The following DLC1 variants were observed in gnomAD, a reference collection of about 807,000 sequenced individuals.
DLC1 encodes DLC1 Rho GTPase activating protein, also known as rho GTPase-activating protein 7.
A neutral mutation model predicts 140.3 loss-of-function variants in DLC1; 54 were observed. The observed-to-expected ratio is 0.38, with a 90% confidence interval of 0.31 to 0.48. The LOEUF is 0.48. Ranked by LOEUF, DLC1 falls within the 20% of genes least tolerant of loss-of-function variation. The probability of loss-of-function intolerance (pLI) is 0.96; values close to 1 mark genes in which losing one functional copy is unlikely to be tolerated. For missense variants in DLC1, 2,536 were observed against 1,907.0 expected (o/e 1.33, Z -6.14); for synonymous variants, 986 against 728.1 (o/e 1.35, Z -5.70).
intron 5 of DLC1, among the ~76,000 whole-genome samples, chr8:13,183,395 G>C (rs1198630442): frequency 1.3e-5 from 2 of 152,184 alleles, no homozygotes; most frequent in East Asian, 1.9e-4. Context: ...CCTTGTGCCA[G>C]TTTTCAAAGG....
chr8:13,276,402 C>A (rs758188829), intron 5 of DLC1: 1 of 1,479,190 alleles, frequency 6.8e-7, no homozygotes, highest in Admixed American at 2.3e-5. Flanking sequence ...GTCCCCCATC[C>A]GCTCGCAGAC....
chr8:13,273,010 G>C (rs999560655), intron 5 of DLC1, among the ~76,000 whole-genome samples: 1 of 152,130 alleles, frequency 6.6e-6, no homozygotes, highest in Non-Finnish European at 1.5e-5. Context: ...TGAATACTTT[G>C]ATAACTGTAT....
chr8:13,595,914 T>G (rs1301060159), intron 1 of DLC1, among the ~76,000 whole-genome samples: 1 of 152,034 alleles, frequency 6.6e-6, no homozygotes, highest in East Asian at 1.9e-4. Context: ...AGAATTTTCA[T>G]TTCTAAATAT....
chr8:13,296,314 G>A (rs566670317), intron 5 of DLC1, among the ~76,000 whole-genome samples: 3 of 151,934 alleles, frequency 2.0e-5, no homozygotes, highest in East Asian at 3.9e-4. Context: ...GATACAAAAG[G>A]GCCCTTTCAT....
In DLC1 at chr8:13,088,509, C is replaced by T. The variant is rs1247652716; in HGVS notation, c.4270G>A (p.Ala1424Thr). ...YVQNSMAPHPARDYVVLRTWR... is the reference protein window; with the variant it reads ...YVQNSMAPHPTRDYVVLRTWR... ...CACCTTAAAACAACGTAGTCTCGAG[C>T]AGGATGAGGTGCCATACTGTTTTGG... The change falls in exon 16 of 18, where the codon GCT (alanine) becomes ACT (threonine). Residue 1424 changes from alanine (A) to threonine (T), a missense_variant. Coordinates refer to ENST00000276297, the MANE Select transcript of DLC1 (RefSeq NM_182643.3). 1 of 1,614,208 alleles carries T rather than the reference C, an allele frequency of 6.2e-7. No individual in the cohort carries two copies. Among genetic ancestry groups the T allele is most frequent in the African/African-American group, 1.3e-5 (1 of 75,054 alleles).
At chr8:13,495,599 C>T (rs1271353231) in intron 2 of DLC1, among the ~76,000 whole-genome samples, 2 of 152,070 alleles carry the variant, frequency 1.3e-5, no homozygotes, top group African/African-American at 4.8e-5. Context: ...CCCCTATATA[C>T]TACATATATA....
chr8:13,383,589 A>C (rs1289440529), intron 4 of DLC1, among the ~76,000 whole-genome samples: 1 of 152,194 alleles, frequency 6.6e-6, no homozygotes, highest in African/African-American at 2.4e-5. Context: ...GTTGCCACCC[A>C]ATAATTCTTT....
chr8:13,417,915 G>A (rs1328341743), intron 2 of DLC1, among the ~76,000 whole-genome samples: 2 of 152,166 alleles, frequency 1.3e-5, no homozygotes, highest in Non-Finnish European at 2.9e-5. Context: ...TCTAACTCGT[G>A]TGAGATGGTA....
chr8:13,556,335 A>G (rs4503098), intron 1 of DLC1, among the ~76,000 whole-genome samples: 10,320 of 152,198 alleles, frequency 0.068, 573 homozygotes, highest in Admixed American at 0.17. Context: ...TAACTTGGCT[A>G]CATGCTGGAA....
At chr8:13,173,934 G>A (rs1322308545) in intron 5 of DLC1, among the ~76,000 whole-genome samples, 2 of 152,080 alleles carry the variant, frequency 1.3e-5, no homozygotes, top group Non-Finnish European at 2.9e-5. Flanking sequence ...ATGATGCTGA[G>A]GTTTGGGGTA....
chr8:13,583,051 G>A (rs935828927), intron 1 of DLC1, among the ~76,000 whole-genome samples: 2 of 151,778 alleles, frequency 1.3e-5, no homozygotes, highest in African/African-American at 4.8e-5. Flanking sequence ...CTGCCTTGAT[G>A]TTGATGGCTG....
At chr8:13,291,529 T>TA (rs1465074346) in intron 5 of DLC1, among the ~76,000 whole-genome samples, 2 of 152,154 alleles carry the variant, frequency 1.3e-5, no homozygotes, top group African/African-American at 4.8e-5. Flanking sequence ...CCTGTCCACT[T>TA]AAAGTATTTC....
At chr8:13,360,314 A>C (rs1398658384) in intron 4 of DLC1, among the ~76,000 whole-genome samples, 4 of 152,210 alleles carry the variant, frequency 2.6e-5, no homozygotes, top group Non-Finnish European at 5.9e-5. Context: ...TTTAATATCT[A>C]CCACTGCCAG....
intron 5 of DLC1, among the ~76,000 whole-genome samples, chr8:13,143,425 C>A (rs1273956618): frequency 6.6e-6 from 1 of 152,056 alleles, no homozygotes; most frequent in African/African-American, 2.4e-5. Flanking sequence ...TGTGTTACTT[C>A]CTAGGTAGGT....
intron 5 of DLC1, among the ~76,000 whole-genome samples, chr8:13,256,923 T>C (rs1196226524): frequency 6.8e-6 from 1 of 147,818 alleles, no homozygotes; most frequent in African/African-American, 2.5e-5. Flanking sequence ...TCTTGGGAGA[T>C]ACGCAGAACT....
chr8:13,242,973 A>C (rs1274663060), intron 5 of DLC1, among the ~76,000 whole-genome samples: 3 of 151,820 alleles, frequency 2.0e-5, no homozygotes, highest in Non-Finnish European at 2.9e-5. Context: ...CATGGGGTGG[A>C]TTTCCCCCTT....
At chr8:13,152,292 A>C (rs1001176435) in intron 5 of DLC1, among the ~76,000 whole-genome samples, 1 of 152,192 alleles carries the variant, frequency 6.6e-6, no homozygotes, top group Non-Finnish European at 1.5e-5. Flanking sequence ...ACAACTTTGC[A>C]TGCTTCTCTT....
At chr8:13,162,310 TTTGTTG>T (rs142702369) in intron 5 of DLC1, among the ~76,000 whole-genome samples, 11,717 of 151,288 alleles carry the variant, frequency 0.077, 1,502 homozygotes, top group African/African-American at 0.27. Flanking sequence ...TAGTCTACAG[TTTGTTG>T]TTGTTGTTGT....
intron 5 of DLC1, among the ~76,000 whole-genome samples, chr8:13,252,400 G>T (rs969392831): frequency 2.0e-5 from 3 of 152,144 alleles, no homozygotes; most frequent in African/African-American, 4.8e-5. Context: ...GAGAGGGAAG[G>T]TCTAAGAACT....
Sources: allele counts gnomAD v4.1 joint callset (sites outside exome capture counted in the v4.1 genomes callset), GRCh38; gene constraint gnomAD v4.1.1; transcripts MANE v1.5; gene names NCBI Gene and HGNC (gene_info 2026-07-23, HGNC 2026-07-21).